Variants in NCKAP5 observed in about 807,000 individuals in gnomAD.
NCKAP5 encodes nck-associated protein 5.
In NCKAP5, 92 loss-of-function variants were observed where a neutral mutation model predicts 167.0. That is an observed-to-expected ratio of 0.55 (90% confidence interval 0.47 to 0.66). The LOEUF is 0.66. Among genes scored for constraint, NCKAP5 ranks in the 30% least tolerant of loss-of-function variants. The pLI is 0.00. For missense variants in NCKAP5, 2,378 were observed against 2,315.0 expected (o/e 1.03, Z -0.56); for synonymous variants, 891 against 877.4 (o/e 1.02, Z -0.27).
intron 3 of NCKAP5, among the ~76,000 whole-genome samples, chr2:133,451,883 C>A (rs1053816208): frequency 5.9e-5 from 9 of 152,106 alleles, no homozygotes; most frequent in African/African-American, 2.2e-4. Context: ...TCAAACATTT[C>A]CCTGCTTAAA....
chr2:133,177,580 G>A (rs1234514319), intron 5 of NCKAP5, among the ~76,000 whole-genome samples: 1 of 152,110 alleles, frequency 6.6e-6, no homozygotes, highest in African/African-American at 2.4e-5. Context: ...CCAACTGTTT[G>A]GCTACTTTCA....
chr2:133,260,019 A>T (rs889497706), intron 4 of NCKAP5, among the ~76,000 whole-genome samples: 7 of 152,246 alleles, frequency 4.6e-5, no homozygotes, highest in African/African-American at 1.7e-4. Context: ...AAAATGAGAA[A>T]GCAATTTTTT....
chr2:133,296,237 T>G (rs1679948412), intron 4 of NCKAP5, among the ~76,000 whole-genome samples: 1 of 152,100 alleles, frequency 6.6e-6, no homozygotes, highest in Non-Finnish European at 1.5e-5. Flanking sequence ...GCTCATCAGG[T>G]CTTGCAGCCC....
chr2:133,382,244 T>G (rs964342402), intron 3 of NCKAP5, among the ~76,000 whole-genome samples: 2 of 152,206 alleles, frequency 1.3e-5, no homozygotes, highest in African/African-American at 4.8e-5. Flanking sequence ...TCTCTATACC[T>G]ACCCCATTAC....
intron 7 of NCKAP5, among the ~76,000 whole-genome samples, chr2:132,964,283 C>T (rs1385496286): frequency 1.3e-5 from 2 of 152,144 alleles, no homozygotes; most frequent in East Asian, 1.9e-4. Context: ...GGACATGCAG[C>T]CATTTAATTA....
the NCKAP5 span, among the ~76,000 whole-genome samples, chr2:133,635,393 G>T: frequency 6.2e-4 from 95 of 152,228 alleles, no homozygotes; most frequent in African/African-American, 2.2e-3. Context: ...GCATAAACTA[G>T]TTGCTGAGTA....
chr2:133,178,504 C>CAAAAAAAAAAA (rs869253241), intron 5 of NCKAP5, among the ~76,000 whole-genome samples: 1 of 23,952 alleles, frequency 4.2e-5, no homozygotes, highest in African/African-American at 2.7e-4. Context: ...GACCCTGTCT[C>CAAAAAAAAAAA]AAAAAAAAAA....
At chr2:133,223,417 G>A (rs2086740604) in intron 4 of NCKAP5, among the ~76,000 whole-genome samples, 1 of 152,144 alleles carries the variant, frequency 6.6e-6, no homozygotes, top group African/African-American at 2.4e-5. Context: ...GGAGTCACCC[G>A]CCGCAGAGGC....
Position 132,672,963 on chromosome 2 carries a change from AC to A in NCKAP5, c.*325del, listed in dbSNP as rs67806395. On this transcript the variant is annotated 3_prime_UTR_variant, in exon 20 of 20. Transcript: ENST00000409261. ...ATCTCTATCAAGCGGTGCACCCCCC[AC>A]CCCCCACCCATCATTTCTTAAGCGC... 0.082 allele frequency: 7,794 copies of A among 94,760 alleles called. 365 individuals carry two copies. The highest frequency in any genetic ancestry group is 0.26 in the African/African-American group (7,170 of 27,560). The allele number at this position is 94,760 out of a possible 1,614,324, so 5.9% of individuals were successfully genotyped here.
chr2:132,770,041 C>T (rs989798978), intron 16 of NCKAP5, among the ~76,000 whole-genome samples: 2 of 152,198 alleles, frequency 1.3e-5, no homozygotes, highest in Non-Finnish European at 2.9e-5. Context: ...TACCACAAAA[C>T]AACCTTTTTG....
At chr2:132,687,775 C>T (rs1255569841) in intron 19 of NCKAP5, among the ~76,000 whole-genome samples, 1 of 147,448 alleles carries the variant, frequency 6.8e-6, no homozygotes, top group East Asian at 2.0e-4. Context: ...TGAAGCTTTC[C>T]AGGGATAGCT....
intron 19 of NCKAP5, among the ~76,000 whole-genome samples, chr2:132,692,096 T>C (rs1188444092): frequency 6.6e-6 from 1 of 151,894 alleles, no homozygotes; most frequent in Non-Finnish European, 1.5e-5. Flanking sequence ...ATCCCATCTA[T>C]GAAGCCTGCT....
intron 10 of NCKAP5, among the ~76,000 whole-genome samples, chr2:132,866,117 T>C (rs558359333): frequency 2.0e-5 from 3 of 152,210 alleles, no homozygotes; most frequent in African/African-American, 7.2e-5. Flanking sequence ...AGAAAACACA[T>C]CATCGAAATA....
At chr2:133,498,496 C>A (rs975398512) in intron 3 of NCKAP5, among the ~76,000 whole-genome samples, 116 of 126,930 alleles carry the variant, frequency 9.1e-4, no homozygotes, top group African/African-American at 1.8e-3. Context: ...GGCAGGCAGG[C>A]AGGCAGGCAG....
intron 8 of NCKAP5, among the ~76,000 whole-genome samples, chr2:132,955,065 AG>A (rs913847548): frequency 1.3e-5 from 2 of 152,258 alleles, no homozygotes; most frequent in African/African-American, 4.8e-5. Flanking sequence ...AAAGATTAGA[AG>A]GAAACAATTA....
rs957505435 is a variant in NCKAP5, at chr2:132,882,358, G to C, written c.580-3442C>G. 5.9e-5 allele frequency among the ~76,000 whole-genome samples: 9 copies of C among 152,048 alleles called. 1 individual carries two copies. Among genetic ancestry groups the C allele is most frequent in the Admixed American group, 1.3e-4 (2 of 15,262 alleles). On this transcript the variant is annotated intron_variant, in intron 8 of 19. Coordinates refer to ENST00000409261, the MANE Select transcript of NCKAP5 (RefSeq NM_207363.3). ...ATTTTTCCACACTCCTACATGCACA[G>C]GCTCAACACCCCCACCCCACCCCAA...
chr2:133,235,915 A>C (rs2087389425), intron 4 of NCKAP5, among the ~76,000 whole-genome samples: 1 of 151,350 alleles, frequency 6.6e-6, no homozygotes, highest in African/African-American at 2.4e-5. Flanking sequence ...AAAAAAAAAA[A>C]AAAATGCAAA....
chr2:132,967,608 T>C (rs764378267), intron 7 of NCKAP5, among the ~76,000 whole-genome samples: 1 of 152,188 alleles, frequency 6.6e-6, no homozygotes, highest in Non-Finnish European at 1.5e-5. Context: ...GAGAGGATGC[T>C]TGGAAATGAG....
At chr2:133,444,353 A>AAGATAGATAGATAGAT (rs3085736) in intron 3 of NCKAP5, among the ~76,000 whole-genome samples, 3 of 147,804 alleles carry the variant, frequency 2.0e-5, no homozygotes, top group Non-Finnish European at 3.0e-5. Flanking sequence ...GACAAAAACA[A>AAGATAGATAGATAGAT]AGATAGATAG....
Sources: allele counts gnomAD v4.1 joint callset (sites outside exome capture counted in the v4.1 genomes callset), GRCh38; gene constraint gnomAD v4.1.1; transcripts MANE v1.5; gene names NCBI Gene and HGNC (gene_info 2026-07-23, HGNC 2026-07-21).